Variants in NRG4 observed in about 807,000 individuals in gnomAD.
The protein encoded by NRG4 is pro-neuregulin-4, membrane-bound isoform.
Under a neutral mutation model 15.0 loss-of-function variants are expected in NRG4, and 10 were observed. That is an observed-to-expected ratio of 0.67 (90% CI 0.41 to 1.13). The LOEUF (loss-of-function observed/expected upper bound fraction) is 1.13. NRG4 is among the 50% of genes most tolerant of loss of function. The probability of loss-of-function intolerance (pLI) is 0.00; values close to 1 mark genes in which losing one functional copy is unlikely to be tolerated. For synonymous variants in NRG4, 41 were observed against 50.1 expected, an observed-to-expected ratio of 0.82 and a Z score of 0.77; for missense variants, 139 against 140.2, an observed-to-expected ratio of 0.99 and a Z score of 0.04.
downstream of NRG4, chr15:75,936,309 T>C (rs2030329914): frequency 6.6e-6 from 1 of 152,032 alleles, no homozygotes. Context: ...TTAATGAAAA[T>C]CCTAAAATAA....
chr15:75,969,336 A>G (rs1329510900), intron 3 of NRG4: 1 of 384,580 alleles, frequency 2.6e-6, no homozygotes, highest in Non-Finnish European at 5.4e-6. Context: ...AGTATTTGCC[A>G]GCTGCCTTCC....
At chr15:76,051,732 C>CT (rs1408173975) in intron 4 of NRG4, among the ~76,000 whole-genome samples, 3 of 148,848 alleles carry the variant, frequency 2.0e-5, no homozygotes, top group South Asian at 2.1e-4. Context: ...CCTGGCTAAT[C>CT]TTTTTTTTTA....
chr15:75,987,982 T>C (rs1448497916), intron 3 of NRG4, among the ~76,000 whole-genome samples: 1 of 152,170 alleles, frequency 6.6e-6, no homozygotes, highest in Admixed American at 6.5e-5. Context: ...CAGACAGGTG[T>C]TCTAATGTTC....
Position 75,943,294 on chromosome 15 carries a change from T to C in NRG4, c.*344A>G. 1 of 227,086 alleles carries C rather than the reference T, an allele frequency of 4.4e-6. No individual in the cohort carries two copies. Among genetic ancestry groups the C allele is most frequent in the Non-Finnish European group, 8.5e-6 (1 of 117,502 alleles). 14.1% of individuals were successfully genotyped at this position (227,086 alleles called of 1,614,324 possible). A position where few individuals can be genotyped will look rare whatever the true frequency, so the allele number is the denominator to read the frequency against. On this transcript the variant is annotated 3_prime_UTR_variant, in exon 6 of 6. Coordinates refer to ENST00000394907, the MANE Select transcript of NRG4 (RefSeq NM_138573.4). ...CCTTGCATTTAAAGGGTTTTCATCC[T>C]TTTTCATAAGATCTTCATATATCCC...
At chr15:76,007,366 C>T (rs905877878) in intron 3 of NRG4, among the ~76,000 whole-genome samples, 1 of 151,836 alleles carries the variant, frequency 6.6e-6, no homozygotes, top group Non-Finnish European at 1.5e-5. Context: ...GTCTTTATAC[C>T]CATGCAGCCA....
intron 5 of NRG4, among the ~76,000 whole-genome samples, chr15:75,954,796 T>C (rs1266839424): frequency 6.6e-6 from 1 of 152,086 alleles, no homozygotes; most frequent in Non-Finnish European, 1.5e-5. Flanking sequence ...GTATTGGATG[T>C]GAAACATTAT....
chr15:75,987,751 C>G (rs2033850894), intron 3 of NRG4, among the ~76,000 whole-genome samples: 1 of 152,170 alleles, frequency 6.6e-6, no homozygotes, highest in African/African-American at 2.4e-5. Context: ...TGATTAAGTG[C>G]TATTCAAAGA....
chr15:76,022,025 C>T (rs892848143), intron 5 of NRG4, among the ~76,000 whole-genome samples: 10 of 152,158 alleles, frequency 6.6e-5, no homozygotes, highest in African/African-American at 2.4e-4. Flanking sequence ...AGGGTCCATG[C>T]TCTATGAGAA....
chr15:75,993,596 A>T (rs2034107332), intron 3 of NRG4, among the ~76,000 whole-genome samples: 1 of 151,714 alleles, frequency 6.6e-6, no homozygotes, highest in African/African-American at 2.4e-5. Context: ...CTACTCAGGA[A>T]GCTGAGGCAG....
downstream of NRG4, chr15:75,940,504 T>C (rs1481529606): frequency 1.3e-5 from 2 of 151,704 alleles, no homozygotes; most frequent in African/African-American, 4.8e-5. Context: ...GAATTTCATG[T>C]GGAATCTGAA....
At chr15:76,013,703 C>T (rs542052149), upstream of NRG4, among the ~76,000 whole-genome samples, 22 of 152,226 alleles carry the variant, frequency 1.4e-4, no homozygotes, top group East Asian at 3.9e-4. Flanking sequence ...TAGTATTCCA[C>T]GGTATATATG....
intron 5 of NRG4, among the ~76,000 whole-genome samples, chr15:75,944,768 T>G (rs28672797): frequency 0.016 from 1,842 of 115,084 alleles, 42 homozygotes; most frequent in African/African-American, 0.051. Flanking sequence ...TGTGTGTGTG[T>G]GGGGGGGTGG....
chr15:76,029,087 A>G (rs1275793611), intron 5 of NRG4, among the ~76,000 whole-genome samples: 1 of 152,146 alleles, frequency 6.6e-6, no homozygotes, highest in East Asian at 1.9e-4. Flanking sequence ...AATACATAAA[A>G]AAGATAATAC....
chr15:76,059,719 T>C (rs554079436), exon 1 of NRG4: 1 of 150,564 alleles, frequency 6.6e-6, no homozygotes, highest in Non-Finnish European at 1.5e-5. Flanking sequence ...CTCCGCCCCC[T>C]GCCCAGCTCA....
At chr15:75,962,009 C>A in intron 3 of NRG4, 35 bp from the exon 4 acceptor site, 1 of 1,517,946 alleles carries the variant, frequency 6.6e-7, no homozygotes, top group South Asian at 1.2e-5. Flanking sequence ...GAATTGCATT[C>A]TGTGTTTCAT....
rs141139109 is a variant in NRG4, at chr15:76,002,226, C to T, written c.104+6974G>A. 5.9e-4 allele frequency among the ~76,000 whole-genome samples: 90 copies of T among 152,214 alleles called. 1 individual carries two copies. The highest frequency in any genetic ancestry group is 2.0e-3 in the African/African-American group (84 of 41,518). ...TAAGGATTTAAACTGTTAGAAGATACTTGCATTGTTCAGGAAGAGTAAACG... is the reference window on the plus strand; with the variant it reads ...TAAGGATTTAAACTGTTAGAAGATATTTGCATTGTTCAGGAAGAGTAAACG... On this transcript the variant is annotated intron_variant, in intron 3 of 5. Coordinates refer to ENST00000394907, the MANE Select transcript of NRG4 (RefSeq NM_138573.4).
At chr15:75,978,787 T>A (rs2033478534) in intron 3 of NRG4, among the ~76,000 whole-genome samples, 1 of 152,222 alleles carries the variant, frequency 6.6e-6, no homozygotes. Context: ...TCCCCTATGG[T>A]TAGCGATGTT....
chr15:75,954,431 CTTT>C (rs35801035), intron 5 of NRG4, among the ~76,000 whole-genome samples: 86 of 131,556 alleles, frequency 6.5e-4, no homozygotes, highest in East Asian at 3.0e-3. Flanking sequence ...ATTTCAATTT[CTTT>C]TTTTTTTTTT....
intron 3 of NRG4, among the ~76,000 whole-genome samples, chr15:75,980,299 T>C (rs544011702): frequency 6.6e-6 from 1 of 151,772 alleles, no homozygotes; most frequent in East Asian, 1.9e-4. Flanking sequence ...AAAACAAAAA[T>C]AGAGATTAGT....
Sources: allele counts gnomAD v4.1 joint callset (sites outside exome capture counted in the v4.1 genomes callset), GRCh38; gene constraint gnomAD v4.1.1; transcripts MANE v1.5; gene names NCBI Gene and HGNC (gene_info 2026-07-23, HGNC 2026-07-21).